SCAI: variants seen among roughly 807,000 people sequenced by gnomAD.
SCAI encodes the protein protein SCAI.
Under a neutral mutation model 92.2 loss-of-function variants are expected in SCAI, and 24 were observed. The ratio of observed to expected loss-of-function variants is 0.26; its 90% CI spans 0.19 to 0.37. The LOEUF is 0.37. SCAI is among the 10% of genes least tolerant of loss of function. The probability of loss-of-function intolerance (pLI) is 1.00; values close to 1 mark genes in which losing one functional copy is unlikely to be tolerated. For synonymous variants in SCAI, 261 were observed against 258.6 expected (o/e 1.01, Z -0.09); for missense variants, 450 against 736.2 (o/e 0.61, Z 4.50).
intron 2 of SCAI, among the ~76,000 whole-genome samples, chr9:125,109,712 A>G (rs1834894884): frequency 6.6e-6 from 1 of 151,288 alleles, no homozygotes; most frequent in Non-Finnish European, 1.5e-5. Flanking sequence ...TTTGAGGCAC[A>G]GTCTCACTCT....
intron 17 of SCAI, chr9:124,968,268 T>TA: frequency 1.8e-6 from 2 of 1,127,274 alleles, no homozygotes; most frequent in Non-Finnish European, 2.7e-6. Context: ...TGACAGCTTT[T>TA]AATATCCTTA....
intron 9 of SCAI, among the ~76,000 whole-genome samples, chr9:125,016,003 G>C (rs1185128096): frequency 7.5e-6 from 1 of 133,520 alleles, no homozygotes; most frequent in Non-Finnish European, 1.6e-5. Flanking sequence ...ACACAGGAAG[G>C]GGAACATCAC....
chr9:125,114,768 CTTTT>C (rs10541713), intron 2 of SCAI, among the ~76,000 whole-genome samples: 84 of 81,652 alleles, frequency 1.0e-3, no homozygotes, highest in African/African-American at 4.1e-3. Context: ...CCACACCCGG[CTTTT>C]TTTTTTTTTT....
intron 14 of SCAI, among the ~76,000 whole-genome samples, chr9:124,978,714 T>C (rs1422352828): frequency 2.0e-5 from 3 of 152,066 alleles, no homozygotes; most frequent in African/African-American, 7.2e-5. Flanking sequence ...TTGTTAGTGA[T>C]AGTGAAGGAA....
At chr9:125,010,084 C>A (rs1306115989) in intron 9 of SCAI, among the ~76,000 whole-genome samples, 1 of 152,172 alleles carries the variant, frequency 6.6e-6, no homozygotes, top group African/African-American at 2.4e-5. Flanking sequence ...CAGCTCCGGC[C>A]TACAGCTCCC....
In SCAI at chr9:125,066,115, T is replaced by C. The variant is rs1833864171; in HGVS notation, c.99-10108A>G. ...GATATAAGCTGTTATTATTTGTACA[T>C]AACATGAACATTTCCATAGAAATTT... On this transcript the variant is annotated intron_variant, in intron 2 of 17. Transcript: ENST00000336505. 1.2e-5 allele frequency: 8 copies of C among 659,856 alleles called. No homozygotes were observed. In the South Asian group the frequency reaches 1.4e-4, roughly 11 times the overall value. 40.9% of individuals were successfully genotyped at this position (659,856 alleles called of 1,614,324 possible).
At chr9:125,106,119 A>ATATAT (rs1834781147) in intron 2 of SCAI, among the ~76,000 whole-genome samples, 2 of 55,736 alleles carry the variant, frequency 3.6e-5, no homozygotes, top group Non-Finnish European at 7.1e-5. Flanking sequence ...AAAAAAAAAA[A>ATATAT]AAAATATATA....
chr9:125,004,785 T>A (rs1429503466), intron 9 of SCAI, among the ~76,000 whole-genome samples: 1 of 63,140 alleles, frequency 1.6e-5, no homozygotes, highest in Non-Finnish European at 3.1e-5. Flanking sequence ...ATATATTTTT[T>A]TTTTTTTTTT....
At position 124,942,770 on chromosome 9, in the gene SCAI, A is replaced by G. The variant is rs1831077727; in HGVS notation, c.*10037T>C. On this transcript the variant is annotated 3_prime_UTR_variant, in exon 18 of 18. Coordinates refer to ENST00000336505, the MANE Select transcript of SCAI (RefSeq NM_001144877.3). Reference sequence around the variant, plus strand: ...TTTCTTTAATACACTGACAACAAAAATCAAATATTCTCTAATCTCGTTATT... The same window carrying G: ...TTTCTTTAATACACTGACAACAAAAGTCAAATATTCTCTAATCTCGTTATT... 1 of 152,226 alleles carries G rather than the reference A, an allele frequency of 6.6e-6. No individual in the cohort carries two copies. Among genetic ancestry groups the G allele is most frequent in the African/African-American group, 2.4e-5 (1 of 41,458 alleles). 9.4% of individuals were successfully genotyped at this position (152,226 alleles called of 1,614,324 possible).
intron 9 of SCAI, among the ~76,000 whole-genome samples, chr9:125,010,952 A>G (rs1413973895): frequency 1.3e-5 from 2 of 152,216 alleles, no homozygotes; most frequent in Non-Finnish European, 2.9e-5. Context: ...GCAAACTCCA[A>G]CAGACCTGCA....
intron 17 of SCAI, among the ~76,000 whole-genome samples, chr9:124,961,723 A>G (rs1342984886): frequency 6.6e-6 from 1 of 152,022 alleles, no homozygotes; most frequent in Non-Finnish European, 1.5e-5. Flanking sequence ...CAGAACTCAA[A>G]TATAGCTGAC....
intron 13 of SCAI, among the ~76,000 whole-genome samples, chr9:124,995,630 G>A (rs1202781320): frequency 1.3e-5 from 2 of 151,954 alleles, no homozygotes; most frequent in Admixed American, 1.3e-4. Context: ...AGCTGGGACT[G>A]CAGACATGTA....
chr9:125,076,787 C>T (rs1032843148), intron 2 of SCAI, among the ~76,000 whole-genome samples: 12 of 152,102 alleles, frequency 7.9e-5, no homozygotes, highest in African/African-American at 2.7e-4. Context: ...CAACCCTCTG[C>T]CTCCCAGTTT....
intron 2 of SCAI, among the ~76,000 whole-genome samples, chr9:125,105,908 C>T (rs1246089149): frequency 6.6e-6 from 1 of 150,758 alleles, no homozygotes; most frequent in Non-Finnish European, 1.5e-5. Context: ...ACCAGCCTGG[C>T]CAATGTGGTG....
At chr9:125,037,848 G>A (rs377379793) in intron 3 of SCAI, among the ~76,000 whole-genome samples, 5 of 152,060 alleles carry the variant, frequency 3.3e-5, no homozygotes, top group African/African-American at 1.2e-4. Context: ...CCTGGGAAGC[G>A]GAGGTTGCAG....
intron 2 of SCAI, among the ~76,000 whole-genome samples, chr9:125,094,078 G>A (rs563832390): frequency 2.6e-5 from 4 of 151,898 alleles, no homozygotes; most frequent in African/African-American, 9.7e-5. Context: ...CCAGTTGTTC[G>A]GGTACAGTTC....
chr9:125,045,590 C>G (rs544471422), intron 3 of SCAI, among the ~76,000 whole-genome samples: 1 of 152,278 alleles, frequency 6.6e-6, no homozygotes, highest in Non-Finnish European at 1.5e-5. Flanking sequence ...CTGGCCTTGG[C>G]CTCCCAAAGT....
chr9:125,017,229 T>A (rs1194586992), intron 9 of SCAI, among the ~76,000 whole-genome samples: 1 of 152,200 alleles, frequency 6.6e-6, no homozygotes, highest in Non-Finnish European at 1.5e-5. Context: ...TCAGTTCTTG[T>A]ACTAGTTGCC....
Position 125,026,901 on chromosome 9 carries a change from T to C in SCAI, c.423A>G (p.Thr141=), listed in dbSNP as rs375130234. 1.9e-6 allele frequency: 3 copies of C among 1,590,766 alleles called. No homozygotes were observed. Among genetic ancestry groups the C allele is most frequent in the African/African-American group, 2.7e-5 (2 of 74,312 alleles). Residue 141 remains threonine (T), a synonymous_variant, in exon 6 of 18, where the codon ACA becomes ACG. Transcript: ENST00000336505. ...CCTCATTCAGATAGCTGGTTTCCGA[T>C]GTGCGTAAGCTATGAGAAAAAATAT... is the stretch of plus-strand genomic sequence containing the variant. ...GQLYYHYYLR[T]SETSYLNEAF...
Sources: allele counts gnomAD v4.1 joint callset (sites outside exome capture counted in the v4.1 genomes callset), GRCh38; gene constraint gnomAD v4.1.1; transcripts MANE v1.5; gene names NCBI Gene and HGNC (gene_info 2026-07-23, HGNC 2026-07-21).